The following CDH13 variants were observed in gnomAD, a reference collection of about 807,000 sequenced individuals.
CDH13 encodes cadherin-13.
Under a neutral mutation model 63.8 loss-of-function variants are expected in CDH13, and 24 were observed. The ratio of observed to expected loss-of-function variants is 0.38; its 90% confidence interval spans 0.27 to 0.53. CDH13 has a LOEUF of 0.53. Among genes scored for constraint, CDH13 ranks in the 20% least tolerant of loss-of-function variants. CDH13 has a pLI of 0.85. For synonymous variants in CDH13, 503 were observed against 355.3 expected (o/e 1.42, Z -4.67); for missense variants, 1,049 against 903.1 (o/e 1.16, Z -2.07).
At chr16:83,178,220 C>A (rs1001337263) in intron 4 of CDH13, among the ~76,000 whole-genome samples, 3 of 152,090 alleles carry the variant, frequency 2.0e-5, no homozygotes, top group African/African-American at 4.8e-5. Context: ...TGTGGGAGGC[C>A]GTCCTGTGCT....
intron 13 of CDH13, among the ~76,000 whole-genome samples, chr16:83,789,428 C>T (rs558444416): frequency 6.7e-6 from 1 of 150,030 alleles, no homozygotes; most frequent in Admixed American, 6.7e-5. Context: ...CTCACTGCAA[C>T]TTCTGCCTCC....
intron 3 of CDH13, among the ~76,000 whole-genome samples, chr16:83,090,246 G>C (rs1423011827): frequency 6.6e-6 from 1 of 152,106 alleles, no homozygotes; most frequent in South Asian, 2.1e-4. Flanking sequence ...CCCTGGTTCA[G>C]ACCATCCCAA....
At chr16:83,450,232 T>G (rs1021848842) in intron 6 of CDH13, among the ~76,000 whole-genome samples, 8 of 152,214 alleles carry the variant, frequency 5.3e-5, no homozygotes, top group African/African-American at 1.9e-4. Flanking sequence ...GTGAGGCCCA[T>G]AAGCCTGGAT....
chr16:83,495,759 G>A (rs896601651), intron 7 of CDH13, among the ~76,000 whole-genome samples: 13 of 152,222 alleles, frequency 8.5e-5, no homozygotes, highest in Admixed American at 3.9e-4. Context: ...GAGACTTTTT[G>A]GCTTGTAGAG....
Position 83,765,471 on chromosome 16 carries a change from C to T in CDH13, c.1682-14497C>T, listed in dbSNP as rs559723793. On this transcript the variant is annotated intron_variant, in intron 11 of 13. Coordinates refer to ENST00000567109, the MANE Select transcript of CDH13 (RefSeq NM_001257.5). ...ACATCAAGTATAGTATACACGGAAA[C>T]CTGGCGTTATATTATTGCAAACTTA... Among the ~76,000 whole-genome samples the T allele has an allele frequency of 7.1e-4, 108 of 152,090 alleles. 1 individual carries two copies. Among genetic ancestry groups the T allele is most frequent in the Middle Eastern group, 3.4e-3 (1 of 294 alleles).
chr16:83,068,905 A>G (rs941276467), intron 3 of CDH13, among the ~76,000 whole-genome samples: 4 of 152,188 alleles, frequency 2.6e-5, no homozygotes, highest in Non-Finnish European at 2.9e-5. Context: ...CTTTTGCATT[A>G]TGACACATGA....
chr16:83,708,031 C>G (rs1026958979), intron 10 of CDH13, among the ~76,000 whole-genome samples: 51 of 152,196 alleles, frequency 3.4e-4, no homozygotes, highest in African/African-American at 1.1e-3. Flanking sequence ...GCCCAGGGCA[C>G]CAGAAGGCAT....
At chr16:83,371,673 T>G (rs1313357242) in intron 6 of CDH13, among the ~76,000 whole-genome samples, 4 of 152,218 alleles carry the variant, frequency 2.6e-5, no homozygotes, top group Non-Finnish European at 5.9e-5. Context: ...GAAAGTAGAT[T>G]AATAGTGGTA....
intron 3 of CDH13, among the ~76,000 whole-genome samples, chr16:83,093,987 G>T (rs981103486): frequency 6.6e-6 from 1 of 152,200 alleles, no homozygotes; most frequent in Admixed American, 6.5e-5. Flanking sequence ...TCATAGAAAA[G>T]GTGATCTTTG....
chr16:82,666,985 C>A (rs893081217), intron 1 of CDH13, among the ~76,000 whole-genome samples: 1 of 152,154 alleles, frequency 6.6e-6, no homozygotes, highest in Non-Finnish European at 1.5e-5. Flanking sequence ...AGTTCCTGTT[C>A]TTAAACACGC....
chr16:83,064,313 G>A (rs936600572), intron 3 of CDH13, among the ~76,000 whole-genome samples: 1 of 152,066 alleles, frequency 6.6e-6, no homozygotes. Context: ...AGGTCGCAGT[G>A]AGCTGAGATG....
intron 6 of CDH13, among the ~76,000 whole-genome samples, chr16:83,416,613 A>G (rs1007870695): frequency 2.0e-5 from 3 of 152,202 alleles, no homozygotes; most frequent in Non-Finnish European, 4.4e-5. Context: ...GTACCACTTC[A>G]ATCTCTGACC....
chr16:83,473,997 C>G (rs993486185), intron 6 of CDH13, among the ~76,000 whole-genome samples: 1 of 152,164 alleles, frequency 6.6e-6, no homozygotes, highest in Non-Finnish European at 1.5e-5. Context: ...CCTGCACCAA[C>G]TTTTGTATTC....
chr16:82,908,913 A>G (rs898282036), intron 2 of CDH13, among the ~76,000 whole-genome samples: 81 of 152,318 alleles, frequency 5.3e-4, no homozygotes, highest in African/African-American at 1.8e-3. Context: ...TATTCATAAG[A>G]TATAAAACCT....
chr16:82,962,537 A>G (rs1251394340), intron 2 of CDH13, among the ~76,000 whole-genome samples: 2 of 152,210 alleles, frequency 1.3e-5, no homozygotes, highest in Non-Finnish European at 2.9e-5. Context: ...GATGGGGTCC[A>G]TGAGAAGGGA....
intron 5 of CDH13, among the ~76,000 whole-genome samples, chr16:83,330,995 C>G (rs2090469528): frequency 1.3e-5 from 2 of 152,154 alleles, no homozygotes; most frequent in East Asian, 3.8e-4. Context: ...TGCTATGTGG[C>G]AAGTGTTTTG....
chr16:82,845,079 C>G (rs991550916), intron 1 of CDH13, among the ~76,000 whole-genome samples: 5 of 152,046 alleles, frequency 3.3e-5, no homozygotes, highest in African/African-American at 1.2e-4. Flanking sequence ...AGGTAGTTTT[C>G]TTTGGGAGGT....
At chr16:83,559,847 C>T (rs376879821) in intron 7 of CDH13, among the ~76,000 whole-genome samples, 5 of 152,246 alleles carry the variant, frequency 3.3e-5, no homozygotes, top group South Asian at 4.2e-4. Flanking sequence ...GCTTTCGTGC[C>T]TGCCCAAATT....
At chr16:82,648,667 A>G (rs1388386140) in intron 1 of CDH13, among the ~76,000 whole-genome samples, 1 of 152,218 alleles carries the variant, frequency 6.6e-6, no homozygotes, top group African/African-American at 2.4e-5. Flanking sequence ...ATGCGTTGGG[A>G]TTCAGAGTTG....
Sources: gnomAD v4.1 joint callset for allele counts (sites outside exome capture counted in the v4.1 genomes callset) on GRCh38, gnomAD v4.1.1 for gene constraint, MANE v1.5 for transcripts, NCBI Gene and HGNC (gene_info 2026-07-23, HGNC 2026-07-21) for gene names.